OR2L13: variants seen among roughly 807,000 people sequenced by gnomAD.
The protein encoded by OR2L13 is olfactory receptor 2L13.
OR2L13 carries 14 observed loss-of-function variants against 15.3 expected under a neutral mutation model. The ratio of observed to expected loss-of-function variants is 0.91; its 90% CI spans 0.60 to 1.43. The LOEUF is 1.43. Among genes scored for constraint, OR2L13 ranks in the 40% most tolerant of loss-of-function variants. The pLI, the probability that OR2L13 is intolerant of heterozygous loss-of-function variation, is 0.00. For missense variants in OR2L13, 367 were observed against 387.9 expected (o/e 0.95, Z 0.45); for synonymous variants, 152 against 142.9 (o/e 1.06, Z -0.45).
At chr1:248,010,763 G>GTTTTTTTTTTTTTTTTTTT in the OR2L13 span, among the ~76,000 whole-genome samples, 23 of 44,476 alleles carry the variant, frequency 5.2e-4, no homozygotes, top group East Asian at 2.5e-3. Context: ...CTTTGTTGTT[G>GTTTTTTTTTTTTTTTTTTT]TTTTTTTTTT....
At chr1:247,941,228 C>T in the OR2L13 span, among the ~76,000 whole-genome samples, 1 of 152,118 alleles carries the variant, frequency 6.6e-6, no homozygotes, top group African/African-American at 2.4e-5. Flanking sequence ...GTTTCTTTTG[C>T]TGCACAGAAG....
chr1:248,100,586 C>A, exon 3 of OR2L13: 1 of 185,196 alleles, frequency 5.4e-6, no homozygotes, highest in Non-Finnish European at 1.2e-5. Context: ...TTACTATTAA[C>A]GTGATAATGT....
the OR2L13 span, among the ~76,000 whole-genome samples, chr1:247,942,403 C>T: frequency 6.6e-6 from 1 of 152,060 alleles, no homozygotes; most frequent in Non-Finnish European, 1.5e-5. Context: ...TCCAGTGGGT[C>T]CACGGAACCA....
the OR2L13 span, chr1:248,003,020 A>G: frequency 4.4e-6 from 3 of 675,348 alleles, no homozygotes; most frequent in Non-Finnish European, 8.0e-6. Flanking sequence ...TATAGCCTCA[A>G]TTTCAGAACT....
chr1:248,003,087 A>T, the OR2L13 span: 1 of 953,982 alleles, frequency 1.0e-6, no homozygotes, highest in Non-Finnish European at 1.7e-6. Flanking sequence ...TTTCTGTCTT[A>T]ACTTACTCGT....
At chr1:248,008,090 C>T in the OR2L13 span, among the ~76,000 whole-genome samples, 1 of 152,300 alleles carries the variant, frequency 6.6e-6, no homozygotes, top group Middle Eastern at 3.4e-3. Context: ...CTCCAGGACT[C>T]TTTGGTACAT....
chr1:248,006,560 G>A, the OR2L13 span, among the ~76,000 whole-genome samples: 18 of 152,088 alleles, frequency 1.2e-4, no homozygotes, highest in African/African-American at 4.1e-4. Flanking sequence ...AAGTGAATGA[G>A]ATCATGCAGC....
At chr1:248,042,545 AC>A in the OR2L13 span, among the ~76,000 whole-genome samples, 1 of 152,062 alleles carries the variant, frequency 6.6e-6, no homozygotes, top group Non-Finnish European at 1.5e-5. Flanking sequence ...TTGCAAAAAA[AC>A]AAAAAACAAA....
the OR2L13 span, among the ~76,000 whole-genome samples, chr1:248,030,453 G>C: frequency 4.6e-5 from 7 of 152,130 alleles, no homozygotes; most frequent in Non-Finnish European, 5.9e-5. Context: ...GTTTTCTGGA[G>C]GGGAAGGGAA....
chr1:247,988,378 A>G, the OR2L13 span, among the ~76,000 whole-genome samples: 1 of 152,038 alleles, frequency 6.6e-6, no homozygotes, highest in Non-Finnish European at 1.5e-5. Flanking sequence ...ATTTATCGTT[A>G]CCTGTCACAT....
the OR2L13 span, among the ~76,000 whole-genome samples, chr1:248,025,215 T>C: frequency 1.4e-5 from 2 of 147,360 alleles, no homozygotes; most frequent in Non-Finnish European, 3.0e-5. Context: ...AAAGGGCTAA[T>C]ATCCAGAATC....
chr1:247,973,246 C>T, the OR2L13 span, among the ~76,000 whole-genome samples: 223 of 152,258 alleles, frequency 1.5e-3, 3 homozygotes, highest in Middle Eastern at 0.024. Flanking sequence ...CTCACCACTC[C>T]TGGGCAACAT....
the OR2L13 span, among the ~76,000 whole-genome samples, chr1:247,986,866 T>C: frequency 6.6e-6 from 1 of 152,190 alleles, no homozygotes; most frequent in African/African-American, 2.4e-5. Context: ...TTTATTCTCA[T>C]TGAATCTTTA....
chr1:248,069,333 GA>G, the OR2L13 span, among the ~76,000 whole-genome samples: 34 of 152,274 alleles, frequency 2.2e-4, no homozygotes, highest in African/African-American at 8.2e-4. Flanking sequence ...CATTCTTAAA[GA>G]AAAGAATTTT....
At chr1:247,991,059 G>A in the OR2L13 span, 1 of 1,570,742 alleles carries the variant, frequency 6.4e-7, no homozygotes, top group Admixed American at 1.7e-5. Flanking sequence ...CAAGATCCCT[G>A]CGATCTCCGA....
the OR2L13 span, among the ~76,000 whole-genome samples, chr1:248,082,967 A>C: frequency 3.3e-5 from 5 of 152,190 alleles, no homozygotes; most frequent in African/African-American, 1.2e-4. Context: ...CAATGTGATT[A>C]CAGTGAGACT....
the OR2L13 span, among the ~76,000 whole-genome samples, chr1:247,970,715 A>C: frequency 1.3e-5 from 2 of 152,214 alleles, no homozygotes; most frequent in African/African-American, 4.8e-5. Flanking sequence ...TCACTAGGAG[A>C]TATACAAAGG....
At chr1:247,973,599 C>T in the OR2L13 span, among the ~76,000 whole-genome samples, 2 of 152,020 alleles carry the variant, frequency 1.3e-5, no homozygotes, top group Non-Finnish European at 2.9e-5. Flanking sequence ...TAAAGGAGAA[C>T]TACAAAAAGT....
chr1:247,957,404 C>CT, the OR2L13 span, among the ~76,000 whole-genome samples: 1 of 152,012 alleles, frequency 6.6e-6, no homozygotes, highest in African/African-American at 2.4e-5. Flanking sequence ...CTAAAATTCT[C>CT]TTTTTTTGTT....
Sources: gnomAD v4.1 joint callset for allele counts (sites outside exome capture counted in the v4.1 genomes callset) on GRCh38, gnomAD v4.1.1 for gene constraint, MANE v1.5 for transcripts, NCBI Gene and HGNC (gene_info 2026-07-23, HGNC 2026-07-21) for gene names.